SFPQ: variants seen among roughly 807,000 people sequenced by gnomAD.
SFPQ encodes splicing factor, proline- and glutamine-rich.
Under a neutral mutation model 72.9 loss-of-function variants are expected in SFPQ, and 11 were observed. That is an observed-to-expected ratio of 0.15 (90% CI 0.09 to 0.25). SFPQ has a LOEUF of 0.25. Among genes scored for constraint, SFPQ ranks in the 10% least tolerant of loss-of-function variants. The probability of loss-of-function intolerance (pLI) is 1.00; values close to 1 mark genes in which losing one functional copy is unlikely to be tolerated. For missense variants in SFPQ, 847 were observed against 993.3 expected, an observed-to-expected ratio of 0.85 and a Z score of 1.98; for synonymous variants, 506 against 367.3, an observed-to-expected ratio of 1.38 and a Z score of -4.32.
At position 35,192,292 on chromosome 1, in the gene SFPQ, T is replaced by A; in HGVS notation, c.758A>T (p.Gln253Leu). 1 of 1,460,840 alleles carries A rather than the reference T, an allele frequency of 6.8e-7. No homozygotes were observed. Among genetic ancestry groups the A allele is most frequent in the Non-Finnish European group, 9.0e-7 (1 of 1,114,744 alleles). 90.5% of individuals were successfully genotyped at this position (1,460,840 alleles called of 1,614,324 possible). ...GGRQHHPPYH[Q>L]QHHQGPPPGG... ...GGGCGGGGGCCCCTGGTGATGCTGC[T>A]GGTGGTAGGGCGGGTGGTGCTGGCG... The change falls in exon 1 of 10, where the codon CAG becomes CTG. Residue 253 changes from glutamine to leucine, a missense_variant. Transcript: ENST00000357214.
At position 35,182,990 on chromosome 1, in the gene SFPQ, G is replaced by C; in HGVS notation, c.*1466C>G. The C allele has an allele frequency of 9.6e-7, 1 of 1,040,478 alleles. No homozygotes were observed. Among genetic ancestry groups the C allele is most frequent in the Non-Finnish European group, 1.2e-6 (1 of 863,844 alleles). 64.5% of individuals were successfully genotyped at this position (1,040,478 alleles called of 1,614,324 possible). On this transcript the variant is annotated 3_prime_UTR_variant, in exon 10 of 10. Coordinates refer to ENST00000357214, the MANE Select transcript of SFPQ (RefSeq NM_005066.3). Reference sequence around the variant, plus strand: ...GGGATATTTGTACTGTGTAGCATGAGCAACTTTCTCCAGATTTAGTGCTAC... The same window carrying C: ...GGGATATTTGTACTGTGTAGCATGACCAACTTTCTCCAGATTTAGTGCTAC...
At position 35,187,083 on chromosome 1, in the gene SFPQ, C is replaced by A; in HGVS notation, c.1904G>T (p.Gly635Val). Residue 635 changes from glycine (G) to valine (V), a missense_variant, in exon 9 of 10, where the codon GGA (glycine) becomes GTA (valine). Gly to Val is a moderately radical substitution (Grantham distance 109). This residue lies in a region of SFPQ where 154 missense variants were observed against 186.0 expected (regional missense o/e 0.83). Coordinates refer to ENST00000357214, the MANE Select transcript of SFPQ (RefSeq NM_005066.3). ...GSGGQKFPPLGGGGGIGYEAN... is the reference protein window; with the variant it reads ...GSGGQKFPPLVGGGGIGYEAN... ...TTCATAACCTATGCCACCACCACCT[C>A]CTAGAGGTGGAAATTTCTGGCCTCC... The A allele has an allele frequency of 6.2e-7, 1 of 1,614,026 alleles. No homozygotes were observed. The highest frequency in any genetic ancestry group is 8.5e-7 in the Non-Finnish European group (1 of 1,179,940).
intron 7 of SFPQ, 49 bp downstream of exon 7, chr1:35,187,924 G>C (rs755004657): frequency 1.7e-6 from 2 of 1,159,358 alleles, no homozygotes; most frequent in Admixed American, 1.8e-5. Flanking sequence ...CTAGGTACCT[G>C]CAAGTTCTAT....
intron 9 of SFPQ, 61 bp downstream of exon 9, chr1:35,186,938 CAA>C: frequency 6.6e-7 from 1 of 1,524,578 alleles, no homozygotes; most frequent in Non-Finnish European, 8.9e-7. Context: ...CAAAACAAAA[CAA>C]ACACACCTAA....
Position 35,190,824 on chromosome 1 carries a change from T to C in SFPQ, c.1189A>G (p.Ile397Val), listed in dbSNP as rs752200270. ...LEEAFSQFGP[I>V]ERAVVIVDDR... is the part of the protein sequence containing the mutation. ...TCCACTATTACAACAGCCCTTTCAA[T>C]AGGACCAAATTGGCTAAAGGCTTCT... The change falls in exon 3 of 10, where the codon ATT (isoleucine) becomes GTT (valine). Residue 397 changes from isoleucine to valine, a missense_variant. Ile to Val is a conservative substitution (Grantham distance 29, BLOSUM62 3). Around this residue, in one of 6 missense-constraint regions of SFPQ, gnomAD observed 132 missense variants for 255.4 expected, o/e 0.52. Transcript: ENST00000357214. 1.1e-5 allele frequency: 17 copies of C among 1,614,174 alleles called. No individual in the cohort carries two copies. Among genetic ancestry groups the C allele is most frequent in the Non-Finnish European group, 1.4e-5 (17 of 1,180,032 alleles).
intron 2 of SFPQ, 130 bp from the exon 3 acceptor site, chr1:35,191,125 C>T (rs1396872854): frequency 1.2e-6 from 1 of 862,228 alleles, no homozygotes; most frequent in South Asian, 1.8e-5. Context: ...AGGCAGCACC[C>T]ACTAACACCA....
chr1:35,193,114 T>C lies in SFPQ; in HGVS notation c.-65A>G, dbSNP rs559709445. On this transcript the variant is annotated 5_prime_UTR_variant, in exon 1 of 10. Transcript: ENST00000357214. ...ACGCTCAGGAAACGTGGAGGCCACC[T>C]TGCTTCTCACAAAATGGCGGATGAC... is the stretch of plus-strand genomic sequence containing the variant. 3.8e-5 allele frequency: 56 copies of C among 1,489,542 alleles called. No homozygotes were observed. The South Asian group carries it at 6.2e-4, about 16-fold the overall frequency. 92.3% of individuals were successfully genotyped at this position (1,489,542 alleles called of 1,614,324 possible).
chr1:35,183,752 T>C lies in SFPQ; in HGVS notation c.*704A>G, dbSNP rs1008971668. ...AAGCTTTCAAGTAAAGGATAGATCA[T>C]AGGGCCATAAAAGATCCATTTAATC... On this transcript the variant is annotated 3_prime_UTR_variant, in exon 10 of 10. Coordinates refer to ENST00000357214, the MANE Select transcript of SFPQ (RefSeq NM_005066.3). The C allele has an allele frequency of 2.0e-5, 21 of 1,051,404 alleles. No homozygotes were observed. Among genetic ancestry groups the C allele is most frequent in the Non-Finnish European group, 2.3e-5 (20 of 870,248 alleles). The allele number at this position is 1,051,404 out of a possible 1,614,324, so 65.1% of individuals were successfully genotyped here. A position where few individuals can be genotyped will look rare whatever the true frequency, so the allele number is the denominator to read the frequency against.
downstream of SFPQ, chr1:35,179,309 A>G (rs1367080690): frequency 2.8e-6 from 3 of 1,058,414 alleles, no homozygotes; most frequent in Non-Finnish European, 3.4e-6. Flanking sequence ...TTTATTGGGG[A>G]AAAGTGAGAC....
chr1:35,192,231 C>T lies in SFPQ; in HGVS notation c.819G>A (p.Ser273=), dbSNP rs1640048914. Residue 273 remains serine, a synonymous_variant, in exon 1 of 10, where the codon TCG becomes TCA. Coordinates refer to ENST00000357214, the MANE Select transcript of SFPQ (RefSeq NM_005066.3). ...TCCCATAGACACTCACCTCCGAGTC[C>T]GAGATCTTCTCCTCGCTGCGGCCGC... ...GPGGRSEEKI[S]DSEGFKANLS... 2.1e-6 allele frequency: 3 copies of T among 1,459,784 alleles called. No homozygotes were observed. Among genetic ancestry groups the T allele is most frequent in the Non-Finnish European group, 2.7e-6 (3 of 1,113,548 alleles). 90.4% of individuals were successfully genotyped at this position (1,459,784 alleles called of 1,614,324 possible). A position where few individuals can be genotyped will look rare whatever the true frequency, so the allele number is the denominator to read the frequency against.
At chr1:35,181,787 CTATTAA>C (rs772856121), downstream of SFPQ, 15 of 985,024 alleles carry the variant, frequency 1.5e-5, no homozygotes, top group Non-Finnish European at 1.7e-5. Flanking sequence ...TTTTAGGAAA[CTATTAA>C]GATTATTTAA....
At chr1:35,185,052 G>C (rs921544827) in intron 9 of SFPQ, among the ~76,000 whole-genome samples, 30 of 152,184 alleles carry the variant, frequency 2.0e-4, no homozygotes, top group Admixed American at 2.6e-4. Context: ...CCAGTTAGTG[G>C]CATGTGCTGC....
At chr1:35,187,725 C>G (rs1299904941) in intron 7 of SFPQ, among the ~76,000 whole-genome samples, 2 of 150,992 alleles carry the variant, frequency 1.3e-5, no homozygotes, top group African/African-American at 4.9e-5. Context: ...GAGCAAAACT[C>G]TCTCCAAAAA....
downstream of SFPQ, chr1:35,179,730 T>A (rs1639389804): frequency 1.9e-6 from 2 of 1,055,132 alleles, no homozygotes; most frequent in East Asian, 1.1e-4. Context: ...CCCACCCCAA[T>A]AAAGTTCCTG....
chr1:35,178,833 T>TC, downstream of SFPQ: 1 of 1,045,802 alleles, frequency 9.6e-7, no homozygotes, highest in Non-Finnish European at 1.2e-6. Flanking sequence ...TTTGCATTCT[T>TC]CCCCCCATTC....
At chr1:35,185,226 T>G (rs1372614304) in intron 9 of SFPQ, among the ~76,000 whole-genome samples, 1 of 152,206 alleles carries the variant, frequency 6.6e-6, no homozygotes, top group Non-Finnish European at 1.5e-5. Context: ...TCAAAAAAAC[T>G]TATGTTGCCA....
At chr1:35,181,524 G>A, downstream of SFPQ, 1 of 1,063,080 alleles carries the variant, frequency 9.4e-7, no homozygotes, top group Non-Finnish European at 1.1e-6. Context: ...AAGCAAAGAG[G>A]ATTATGGTTT....
chr1:35,190,463 T>C (rs11264114), intron 4 of SFPQ, 35 bp downstream of exon 4: 1 of 1,456,124 alleles, frequency 6.9e-7, no homozygotes, highest in East Asian at 2.3e-5. Flanking sequence ...TTACACTTGA[T>C]TTAAAAACTG....
At chr1:35,191,295 C>T (rs1186367426) in intron 2 of SFPQ, 46 bp downstream of exon 2, 4 of 1,526,298 alleles carry the variant, frequency 2.6e-6, no homozygotes, top group Non-Finnish European at 3.6e-6. Context: ...ACAAAAAAAT[C>T]CCCCACCCTT....
Sources: allele counts gnomAD v4.1 joint callset (sites outside exome capture counted in the v4.1 genomes callset), GRCh38; gene constraint gnomAD v4.1.1; regional missense constraint gnomAD v4.1.1; transcripts MANE v1.5; gene names NCBI Gene and HGNC (gene_info 2026-07-23, HGNC 2026-07-21).